DOK5: variants seen among roughly 807,000 people sequenced by gnomAD.
DOK5 encodes docking protein 5, also known as downstream of tyrosine kinase 5.
DOK5 carries 27 observed loss-of-function variants against 43.3 expected under a neutral mutation model. That is an observed-to-expected ratio of 0.62 (90% CI 0.46 to 0.86). The LOEUF (loss-of-function observed/expected upper bound fraction) is 0.86, where lower values mean the gene tolerates loss of function less well. Ranked by LOEUF, DOK5 falls within the 40% of genes least tolerant of loss-of-function variation. The pLI, the probability that DOK5 is intolerant of heterozygous loss-of-function variation, is 0.00. For missense variants in DOK5, 373 were observed against 392.9 expected (o/e 0.95, Z 0.43); for synonymous variants, 146 against 140.1 (o/e 1.04, Z -0.30).
chr20:54,523,932 G>T (rs1287425458), intron 1 of DOK5, among the ~76,000 whole-genome samples: 4 of 152,262 alleles, frequency 2.6e-5, no homozygotes, highest in Non-Finnish European at 4.4e-5. Flanking sequence ...CAGCATCAGG[G>T]ACTGAATTTT....
intron 1 of DOK5, among the ~76,000 whole-genome samples, chr20:54,496,603 T>C (rs1982402804): frequency 6.6e-6 from 1 of 151,544 alleles, no homozygotes; most frequent in Non-Finnish European, 1.5e-5. Flanking sequence ...CCGTCTCTAC[T>C]AAAAATACAA....
At chr20:54,483,069 A>G (rs1197215691) in intron 1 of DOK5, among the ~76,000 whole-genome samples, 1 of 152,134 alleles carries the variant, frequency 6.6e-6, no homozygotes, top group Non-Finnish European at 1.5e-5. Context: ...CTGGTATTTC[A>G]GTCGTCTTCA....
chr20:54,590,812 T>C (rs1985955356), intron 4 of DOK5, among the ~76,000 whole-genome samples: 1 of 152,202 alleles, frequency 6.6e-6, no homozygotes, highest in Non-Finnish European at 1.5e-5. Context: ...TGGAAATATG[T>C]TTGCTATAGT....
intron 5 of DOK5, among the ~76,000 whole-genome samples, chr20:54,602,089 T>TGTGCCTCTCTC (rs575908805): frequency 3.3e-4 from 50 of 152,342 alleles, no homozygotes; most frequent in African/African-American, 1.2e-3. Flanking sequence ...AATATGTGGC[T>TGTGCCTCTCTC]GTGCCTCTCT....
intron 6 of DOK5, among the ~76,000 whole-genome samples, chr20:54,628,145 G>A (rs748913121): frequency 4.6e-5 from 7 of 152,124 alleles, no homozygotes; most frequent in Non-Finnish European, 1.0e-4. Flanking sequence ...TGTTCACAAG[G>A]TTGCGAGTGT....
intron 1 of DOK5, among the ~76,000 whole-genome samples, chr20:54,481,876 T>C (rs923660375): frequency 2.6e-5 from 4 of 152,186 alleles, no homozygotes; most frequent in African/African-American, 9.7e-5. Flanking sequence ...ACCTAATAGA[T>C]GATGATCATA....
intron 1 of DOK5, among the ~76,000 whole-genome samples, chr20:54,489,917 T>C (rs1982101100): frequency 6.6e-6 from 1 of 152,170 alleles, no homozygotes; most frequent in Admixed American, 6.5e-5. Context: ...TGGAGGATGT[T>C]CTCCAGCAGT....
chr20:54,504,244 C>T (rs976001484), intron 1 of DOK5, among the ~76,000 whole-genome samples: 2 of 152,152 alleles, frequency 1.3e-5, no homozygotes, highest in South Asian at 4.2e-4. Context: ...TTCTAGATCT[C>T]GCGGTCCACC....
intron 2 of DOK5, among the ~76,000 whole-genome samples, chr20:54,563,686 T>TA (rs1984992344): frequency 7.0e-6 from 1 of 143,240 alleles, no homozygotes; most frequent in African/African-American, 2.8e-5. Flanking sequence ...TTTTTTTTTT[T>TA]ACTTTCATGT....
At chr20:54,522,989 G>C (rs757985805) in intron 1 of DOK5, among the ~76,000 whole-genome samples, 1 of 152,070 alleles carries the variant, frequency 6.6e-6, no homozygotes, top group Non-Finnish European at 1.5e-5. Flanking sequence ...AAATACCTTG[G>C]CAAATGTAAT....
intron 2 of DOK5, among the ~76,000 whole-genome samples, chr20:54,576,477 T>C (rs888709206): frequency 2.3e-4 from 35 of 152,190 alleles, no homozygotes; most frequent in African/African-American, 8.2e-4. Flanking sequence ...TCAATGGTGA[T>C]AGAGGTCAGA....
chr20:54,630,968 G>T (rs967240960), intron 6 of DOK5, among the ~76,000 whole-genome samples: 1 of 152,124 alleles, frequency 6.6e-6, no homozygotes. Flanking sequence ...AGGAGATTGG[G>T]TCAGAATTTA....
chr20:54,613,698 A>G (rs1447198323), intron 6 of DOK5, among the ~76,000 whole-genome samples: 1 of 152,158 alleles, frequency 6.6e-6, no homozygotes, highest in Non-Finnish European at 1.5e-5. Context: ...TAGATTTTTA[A>G]AACTATGCAT....
intron 6 of DOK5, among the ~76,000 whole-genome samples, chr20:54,633,560 G>T (rs1658278742): frequency 6.6e-6 from 1 of 152,228 alleles, no homozygotes; most frequent in Non-Finnish European, 1.5e-5. Flanking sequence ...TTCTCAGGTT[G>T]AGAATGTGTT....
intron 1 of DOK5, among the ~76,000 whole-genome samples, chr20:54,508,444 G>A (rs907467194): frequency 5.3e-5 from 8 of 150,544 alleles, no homozygotes; most frequent in East Asian, 3.9e-4. Flanking sequence ...TCACACATAC[G>A]AGATGGCAGG....
At chr20:54,564,084 A>G (rs1163676075) in intron 2 of DOK5, among the ~76,000 whole-genome samples, 1 of 152,176 alleles carries the variant, frequency 6.6e-6, no homozygotes, top group Non-Finnish European at 1.5e-5. Context: ...TAGTTTATAT[A>G]GATACATTCA....
At chr20:54,599,580 A>G (rs902218730) in intron 5 of DOK5, among the ~76,000 whole-genome samples, 1 of 152,214 alleles carries the variant, frequency 6.6e-6, no homozygotes, top group Non-Finnish European at 1.5e-5. Context: ...GCTAGATCCT[A>G]TCCACCTCTG....
chr20:54,488,760 T>TTCCCCTCCCCTCCC (rs762209109), intron 1 of DOK5, among the ~76,000 whole-genome samples: 1 of 95,854 alleles, frequency 1.0e-5, no homozygotes, highest in Non-Finnish European at 1.9e-5. Flanking sequence ...CCTCTTTCCC[T>TTCCCCTCCCCTCCC]ACCCCTCCCC....
At chr20:54,599,899 G>T (rs1215393337) in intron 5 of DOK5, among the ~76,000 whole-genome samples, 1 of 152,206 alleles carries the variant, frequency 6.6e-6, no homozygotes, top group African/African-American at 2.4e-5. Flanking sequence ...CTCAACAGAA[G>T]AGAGAGATAT....
Sources: gnomAD v4.1 joint callset for allele counts (sites outside exome capture counted in the v4.1 genomes callset) on GRCh38, gnomAD v4.1.1 for gene constraint, MANE v1.5 for transcripts, NCBI Gene and HGNC (gene_info 2026-07-23, HGNC 2026-07-21) for gene names.